The following PPP1R13B variants were observed in gnomAD, a reference collection of about 807,000 sequenced individuals.
The protein encoded by PPP1R13B is protein phosphatase 1 regulatory subunit 13B.
A neutral mutation model predicts 119.8 loss-of-function variants in PPP1R13B; 44 were observed. That is an observed-to-expected ratio of 0.37 (90% CI 0.29 to 0.47). PPP1R13B has a LOEUF of 0.47. Ranked by LOEUF, PPP1R13B falls within the 20% of genes least tolerant of loss-of-function variation. The probability of loss-of-function intolerance (pLI) is 0.99; values close to 1 mark genes in which losing one functional copy is unlikely to be tolerated. For missense variants in PPP1R13B, 1,227 were observed against 1,413.5 expected, an observed-to-expected ratio of 0.87 and a Z score of 2.12; for synonymous variants, 542 against 561.5, an observed-to-expected ratio of 0.97 and a Z score of 0.49.
chr14:103,793,811 T>C (rs1321390357), intron 2 of PPP1R13B, among the ~76,000 whole-genome samples: 1 of 152,220 alleles, frequency 6.6e-6, no homozygotes, highest in Non-Finnish European at 1.5e-5. Flanking sequence ...ACAGAGTAGC[T>C]AATGACCTGG....
intron 4 of PPP1R13B, among the ~76,000 whole-genome samples, chr14:103,758,441 C>A (rs1481163999): frequency 6.6e-6 from 1 of 152,186 alleles, no homozygotes; most frequent in Admixed American, 6.5e-5. Flanking sequence ...AAAACAAGCA[C>A]AGGGCAGTCA....
chr14:103,797,286 A>G, intron 2 of PPP1R13B, 85 bp downstream of exon 2: 1 of 1,411,942 alleles, frequency 7.1e-7, no homozygotes, highest in Non-Finnish European at 9.5e-7. Flanking sequence ...TTTATCAGAA[A>G]AAAAGCAAAT....
intron 1 of PPP1R13B, among the ~76,000 whole-genome samples, chr14:103,802,657 G>T (rs1445260801): frequency 6.6e-6 from 1 of 152,122 alleles, no homozygotes; most frequent in Non-Finnish European, 1.5e-5. Flanking sequence ...GCTCTGAAAC[G>T]CGGAATTCTT....
chr14:103,805,003 A>G (rs1188508438), intron 1 of PPP1R13B, among the ~76,000 whole-genome samples: 2 of 151,966 alleles, frequency 1.3e-5, no homozygotes, highest in Non-Finnish European at 2.9e-5. Context: ...CGCCTGGCTA[A>G]TTTTTTTATT....
chr14:103,735,308 T>C, intron 16 of PPP1R13B, 113 bp from the exon 17 acceptor site: 1 of 998,662 alleles, frequency 1.0e-6, no homozygotes, highest in Non-Finnish European at 1.6e-6. Flanking sequence ...TGCAGCACCC[T>C]TGTCCCTCAG....
intron 2 of PPP1R13B, 187 bp downstream of exon 2, chr14:103,797,184 C>A (rs2085779814): frequency 2.1e-6 from 1 of 485,112 alleles, no homozygotes; most frequent in African/African-American, 2.0e-5. Flanking sequence ...TTACTCAGTT[C>A]TTTATTACCA....
chr14:103,735,522 G>A (rs1267284870), intron 16 of PPP1R13B, among the ~76,000 whole-genome samples: 1 of 152,190 alleles, frequency 6.6e-6, no homozygotes, highest in Non-Finnish European at 1.5e-5. Flanking sequence ...CAAGAACGTT[G>A]GCTCAACAGC....
rs771891362 is a variant in PPP1R13B, at chr14:103,784,825, C to T, written c.247G>A (p.Glu83Lys). 5 of 1,609,348 alleles carry T rather than the reference C, an allele frequency of 3.1e-6. No homozygotes were observed. Among genetic ancestry groups the T allele is most frequent in the Admixed American group, 3.3e-5 (2 of 59,910 alleles). The change falls in exon 3 of 17, where the codon GAG becomes AAG. Residue 83 changes from glutamate (E) to lysine (K), a missense_variant. Glu to Lys is a moderately conservative substitution (Grantham distance 56). Transcript: ENST00000202556. ...REEVKFFLRHEDSPTENSEQG... is the reference protein window; with the variant it reads ...REEVKFFLRHKDSPTENSEQG... ...TCACTGTTCTCAGTTGGGGAGTCCT[C>T]GTGTCGAAGGAAAAATTTCACTTCT...
intron 3 of PPP1R13B, among the ~76,000 whole-genome samples, chr14:103,783,476 T>G (rs558235411): frequency 1.3e-5 from 2 of 152,236 alleles, no homozygotes; most frequent in Admixed American, 1.3e-4. Context: ...GGTCACAAAC[T>G]CCTGACCTCA....
Position 103,753,062 on chromosome 14 carries a change from A to C in PPP1R13B, c.766T>G (p.Tyr256Asp), listed in dbSNP as rs1329869553. Residue 256 changes from tyrosine (Y) to aspartate (D), a missense_variant, in exon 7 of 17, where the codon TAC (tyrosine) becomes GAC (aspartate). Physicochemically the swap from Tyr to Asp is radical, Grantham distance 160 (BLOSUM62 -3). Transcript: ENST00000202556. ...KKGKLNGFQS[Y>D]NGKLTGPAAV... ...GCTGGTCCCGTCAATTTGCCATTGT[A>C]AGACTGGAACCCATTCAGTTTTCCT... 6.2e-7 allele frequency: 1 copy of C among 1,614,180 alleles called. No individual in the cohort carries two copies. The highest frequency in any genetic ancestry group is 8.5e-7 in the Non-Finnish European group (1 of 1,180,044).
rs1271376363 is a variant in PPP1R13B at position 103,784,806 on chromosome 14, T to A, written c.266A>T (p.Asn89Ile). The change falls in exon 3 of 17, where the codon AAC (asparagine) becomes ATC (isoleucine). Residue 89 changes from asparagine (N) to isoleucine (I), a missense_variant. Transcript: ENST00000202556. ...AAGCAGTTATCTACCTTGTTCACTG[T>A]TCTCAGTTGGGGAGTCCTCGTGTCG... is the stretch of plus-strand genomic sequence containing the variant. ...FLRHEDSPTE[N>I]SEQGGRQTQE... is the part of the protein sequence containing the mutation. 1.2e-6 allele frequency: 2 copies of A among 1,602,034 alleles called. No homozygotes were observed. The highest frequency in any genetic ancestry group is 8.5e-7 in the Non-Finnish European group (1 of 1,170,882).
intron 2 of PPP1R13B, among the ~76,000 whole-genome samples, chr14:103,796,508 TA>T (rs1173625254): frequency 1.7e-4 from 26 of 152,226 alleles, no homozygotes; most frequent in African/African-American, 6.3e-4. Context: ...CTCCACATCG[TA>T]TACTTCGTAT....
chr14:103,784,599 A>G lies in PPP1R13B; in HGVS notation c.277+196T>C, dbSNP rs2085411539. The stretch of plus-strand genomic sequence containing the variant: ...CTCTGTCTCCAAAAAAAAAAAAAAA[A>G]AAAAAAAAAAAAAAAAGTGCCGTAA... On this transcript the variant is annotated intron_variant, in intron 3 of 16. Transcript: ENST00000202556. 1.1e-4 allele frequency among the ~76,000 whole-genome samples: 16 copies of G among 149,256 alleles called. No individual in the cohort carries two copies. In the South Asian group the frequency reaches 3.4e-3, roughly 32 times the overall value.
At chr14:103,752,060 C>A (rs2084562421) in intron 7 of PPP1R13B, among the ~76,000 whole-genome samples, 1 of 152,132 alleles carries the variant, frequency 6.6e-6, no homozygotes, top group Admixed American at 6.5e-5. Context: ...TATCCTTTAA[C>A]CAAAATGCTG....
chr14:103,753,062 A>G lies in PPP1R13B; in HGVS notation c.766T>C (p.Tyr256His). The G allele has an allele frequency of 6.2e-7, 1 of 1,614,180 alleles. No homozygotes were observed. The highest frequency in any genetic ancestry group is 8.5e-7 in the Non-Finnish European group (1 of 1,180,044). Reference protein sequence around the residue: ...KKGKLNGFQSYNGKLTGPAAV... With the variant: ...KKGKLNGFQSHNGKLTGPAAV... The stretch of plus-strand genomic sequence containing the variant: ...GCTGGTCCCGTCAATTTGCCATTGT[A>G]AGACTGGAACCCATTCAGTTTTCCT... Residue 256 changes from tyrosine to histidine, a missense_variant, in exon 7 of 17, where the codon TAC (tyrosine) becomes CAC (histidine). Tyr to His is a moderately conservative substitution (Grantham distance 83, BLOSUM62 2). Coordinates refer to ENST00000202556, the MANE Select transcript of PPP1R13B (RefSeq NM_015316.3).
chr14:103,846,875 G>A (rs779948683), intron 1 of PPP1R13B: 5 of 586,972 alleles, frequency 8.5e-6, no homozygotes, highest in South Asian at 4.5e-5. Flanking sequence ...ACGGGAATGC[G>A]CCTGCAGAGT....
chr14:103,756,020 T>A (rs528314007), intron 5 of PPP1R13B, among the ~76,000 whole-genome samples: 1 of 152,146 alleles, frequency 6.6e-6, no homozygotes, highest in East Asian at 1.9e-4. Flanking sequence ...AAAATCTCTC[T>A]ACAGAAGAAA....
chr14:103,755,126 C>T (rs1188761817), intron 5 of PPP1R13B, among the ~76,000 whole-genome samples: 5 of 152,090 alleles, frequency 3.3e-5, no homozygotes, highest in Non-Finnish European at 1.5e-5. Flanking sequence ...AATATAAGCG[C>T]TTCTGCAGAA....
chr14:103,815,249 A>G (rs773693785), intron 1 of PPP1R13B, among the ~76,000 whole-genome samples: 15 of 152,298 alleles, frequency 9.8e-5, no homozygotes, highest in Non-Finnish European at 1.9e-4. Context: ...GGAGAGATAA[A>G]GTAGATTAGT....
Sources: gnomAD v4.1 joint callset for allele counts (sites outside exome capture counted in the v4.1 genomes callset) on GRCh38, gnomAD v4.1.1 for gene constraint, MANE v1.5 for transcripts, NCBI Gene and HGNC (gene_info 2026-07-23, HGNC 2026-07-21) for gene names.